PPP2R2C: variants seen among roughly 807,000 people sequenced by gnomAD.
The protein encoded by PPP2R2C is protein phosphatase 2, regulatory subunit B, gamma.
PPP2R2C carries 10 observed loss-of-function variants against 45.3 expected under a neutral mutation model. The ratio of observed to expected loss-of-function variants is 0.22; its 90% CI spans 0.14 to 0.37. The LOEUF (loss-of-function observed/expected upper bound fraction) is 0.37. Among genes scored for constraint, PPP2R2C ranks in the 10% least tolerant of loss-of-function variants. The pLI is 1.00. For missense variants in PPP2R2C, 308 were observed against 619.7 expected (o/e 0.50, Z 5.34); for synonymous variants, 257 against 245.4 (o/e 1.05, Z -0.44).
rs144051045 is a variant in PPP2R2C, at chr4:6,506,294, A to T, written c.49+28977T>A. ...ATGTTTGTCAAAACTCATCAAATTG[A>T]ACACGTAAGATCTGTACACTTTACG... On this transcript the variant is annotated intron_variant, in intron 2 of 9. Transcript: ENST00000506140. Among the ~76,000 whole-genome samples, 812 of 152,368 alleles carry T rather than the reference A, an allele frequency of 5.3e-3. 3 individuals are homozygous for T. The highest frequency in any genetic ancestry group is 0.024 in the Middle Eastern group (7 of 294).
In PPP2R2C at chr4:6,464,709, G is replaced by A. The variant is rs1721503092; in HGVS notation, c.70+7451C>T. On this transcript the variant is annotated intron_variant, in intron 1 of 8. Coordinates refer to ENST00000382599, the MANE Select transcript of PPP2R2C (RefSeq NM_020416.4). ...TCTGGAGAATAATCTGCCAATGTGT[G>A]TCAACAACATTAAAAATGCTAGTGA... Among the ~76,000 whole-genome samples, 3 of 152,294 alleles carry A rather than the reference G, an allele frequency of 2.0e-5. No individual in the cohort carries two copies. In the South Asian group the frequency reaches 6.2e-4, roughly 32 times the overall value.
At chr4:6,530,064 G>A (rs1724343870) in intron 2 of PPP2R2C, among the ~76,000 whole-genome samples, 1 of 152,058 alleles carries the variant, frequency 6.6e-6, no homozygotes, top group South Asian at 2.1e-4. Flanking sequence ...AAACCACAAG[G>A]CACCACGCCT....
At chr4:6,511,493 T>G (rs1403265553) in intron 2 of PPP2R2C, among the ~76,000 whole-genome samples, 1 of 100,944 alleles carries the variant, frequency 9.9e-6, no homozygotes, top group African/African-American at 4.4e-5. Flanking sequence ...GTGTTGGTGG[T>G]GATGGCGGTG....
intron 1 of PPP2R2C, among the ~76,000 whole-genome samples, chr4:6,437,177 A>G (rs1719934681): frequency 6.6e-6 from 1 of 152,204 alleles, no homozygotes. Flanking sequence ...TACATTTTGT[A>G]CTTTGCTCAC....
At chr4:6,423,767 G>T (rs1719118669) in intron 1 of PPP2R2C, among the ~76,000 whole-genome samples, 1 of 152,194 alleles carries the variant, frequency 6.6e-6, no homozygotes, top group African/African-American at 2.4e-5. Flanking sequence ...TGGTGTGTTT[G>T]AGGAACTGAA....
intron 2 of PPP2R2C, among the ~76,000 whole-genome samples, chr4:6,500,006 C>T (rs950962023): frequency 1.3e-5 from 2 of 152,184 alleles, no homozygotes; most frequent in Non-Finnish European, 2.9e-5. Flanking sequence ...TGCCTGCTCC[C>T]ACTAGTTGTG....
intron 5 of PPP2R2C, among the ~76,000 whole-genome samples, chr4:6,357,374 A>G (rs1352316915): frequency 6.6e-6 from 1 of 152,212 alleles, no homozygotes; most frequent in African/African-American, 2.4e-5. Context: ...GGTGTTGGCA[A>G]GTGTTTTCTG....
chr4:6,349,456 C>T, intron 5 of PPP2R2C: 2 of 984,792 alleles, frequency 2.0e-6, no homozygotes, highest in Non-Finnish European at 2.4e-6. Flanking sequence ...TTGCAGAGCT[C>T]AATGAATGTC....
chr4:6,404,935 C>T (rs980804272), intron 1 of PPP2R2C, among the ~76,000 whole-genome samples: 1 of 152,190 alleles, frequency 6.6e-6, no homozygotes, highest in East Asian at 1.9e-4. Context: ...AGCAAGGCAC[C>T]GCACCTCTGC....
chr4:6,484,304 T>A (rs1016386870), intron 2 of PPP2R2C, among the ~76,000 whole-genome samples: 29 of 151,994 alleles, frequency 1.9e-4, no homozygotes, highest in African/African-American at 7.0e-4. Flanking sequence ...TATGCATGCA[T>A]CTATTTCTGG....
chr4:6,362,798 G>A (rs751386700), intron 5 of PPP2R2C, among the ~76,000 whole-genome samples: 4 of 152,164 alleles, frequency 2.6e-5, no homozygotes, highest in South Asian at 2.1e-4. Flanking sequence ...ACTGAGAGGC[G>A]GTGTAGCATG....
Position 6,402,935 on chromosome 4 carries a change from T to C in PPP2R2C, c.71-21841A>G, listed in dbSNP as rs13146368. ...CAACTGCCCGCCCTCTGCAAAGCCA[T>C]GAAGGCCTGCCAAGAAAGACCAATG... On this transcript the variant is annotated intron_variant, in intron 1 of 8. Coordinates refer to ENST00000382599, the MANE Select transcript of PPP2R2C (RefSeq NM_020416.4). Among the ~76,000 whole-genome samples the C allele has an allele frequency of 8.2e-3, 1,243 of 152,294 alleles. 8 individuals carry two copies. The highest frequency in any genetic ancestry group is 0.037 in the Middle Eastern group (11 of 294).
intron 2 of PPP2R2C, among the ~76,000 whole-genome samples, chr4:6,521,993 C>T (rs1028430419): frequency 2.0e-5 from 3 of 152,144 alleles, no homozygotes; most frequent in Admixed American, 2.0e-4. Context: ...AAGCCAATGG[C>T]TTTGGGGGCC....
intron 1 of PPP2R2C, among the ~76,000 whole-genome samples, chr4:6,425,003 C>G (rs189825620): frequency 5.9e-5 from 9 of 152,338 alleles, no homozygotes; most frequent in Non-Finnish European, 1.0e-4. Context: ...TTAGGGCCAT[C>G]ATGAAGAATG....
intron 1 of PPP2R2C, among the ~76,000 whole-genome samples, chr4:6,387,270 T>C (rs927606169): frequency 2.6e-5 from 4 of 152,124 alleles, no homozygotes; most frequent in Non-Finnish European, 5.9e-5. Flanking sequence ...CCAAGCAGGA[T>C]AAGCACAAGG....
intron 5 of PPP2R2C, chr4:6,349,116 C>A: frequency 1.0e-6 from 1 of 985,404 alleles, no homozygotes; most frequent in Non-Finnish European, 1.2e-6. Flanking sequence ...AGCTTCTCTC[C>A]GGCTTTCCAG....
At chr4:6,477,730 CAA>C (rs5855918) in intron 2 of PPP2R2C, among the ~76,000 whole-genome samples, 21,064 of 75,934 alleles carry the variant, frequency 0.28, 1,365 homozygotes, top group Admixed American at 0.38. Flanking sequence ...GACTCCGTCT[CAA>C]AAAAAAAAAA....
At chr4:6,543,241 G>A (rs1406318914) in intron 1 of PPP2R2C, among the ~76,000 whole-genome samples, 1 of 152,120 alleles carries the variant, frequency 6.6e-6, no homozygotes, top group Admixed American at 6.5e-5. Flanking sequence ...ACTACAACTC[G>A]GCTCAGCTCT....
intron 1 of PPP2R2C, among the ~76,000 whole-genome samples, chr4:6,552,666 A>G (rs1725223311): frequency 6.6e-6 from 1 of 151,956 alleles, no homozygotes; most frequent in African/African-American, 2.4e-5. Flanking sequence ...AACCTCCCCA[A>G]CTCAAGAGCC....
Sources: gnomAD v4.1 joint callset for allele counts (sites outside exome capture counted in the v4.1 genomes callset) on GRCh38, gnomAD v4.1.1 for gene constraint, MANE v1.5 for transcripts, NCBI Gene and HGNC (gene_info 2026-07-23, HGNC 2026-07-21) for gene names.